GRM8: variants seen among roughly 807,000 people sequenced by gnomAD.
The protein encoded by GRM8 is glutamate metabotropic receptor 8.
Under a neutral mutation model 87.2 loss-of-function variants are expected in GRM8, and 47 were observed. The observed-to-expected ratio is 0.54, with a 90% CI of 0.43 to 0.69. The LOEUF is 0.69. Among genes scored for constraint, GRM8 ranks in the 30% least tolerant of loss-of-function variants. The pLI, the probability that GRM8 is intolerant of heterozygous loss-of-function variation, is 0.00. For missense variants in GRM8, 1,019 were observed against 1,139.2 expected (o/e 0.89, Z 1.52); for synonymous variants, 396 against 404.5 (o/e 0.98, Z 0.25).
intron 7 of GRM8, among the ~76,000 whole-genome samples, chr7:126,733,265 T>G (rs1222991746): frequency 2.0e-5 from 3 of 151,922 alleles, no homozygotes; most frequent in Non-Finnish European, 2.9e-5. Context: ...TCCAACCTAA[T>G]GGAAACTGTA....
chr7:126,536,980 A>G (rs1202093709), intron 8 of GRM8, among the ~76,000 whole-genome samples: 1 of 152,164 alleles, frequency 6.6e-6, no homozygotes, highest in Admixed American at 6.5e-5. Flanking sequence ...ACAACATAAG[A>G]TGTGTTAAAA....
At chr7:126,684,090 A>AGAGAGG (rs753904041) in intron 7 of GRM8, among the ~76,000 whole-genome samples, 1 of 152,224 alleles carries the variant, frequency 6.6e-6, no homozygotes, top group Non-Finnish European at 1.5e-5. Context: ...GGAAAGAAGT[A>AGAGAGG]GAGAGGATGG....
At chr7:126,683,343 T>C (rs1373653299) in intron 7 of GRM8, among the ~76,000 whole-genome samples, 1 of 152,226 alleles carries the variant, frequency 6.6e-6, no homozygotes, top group Non-Finnish European at 1.5e-5. Context: ...CTTCTCTGTT[T>C]GGTGCTATGA....
At chr7:126,481,779 TAAA>T (rs1035740632) in intron 9 of GRM8, among the ~76,000 whole-genome samples, 1 of 152,076 alleles carries the variant, frequency 6.6e-6, no homozygotes, top group Non-Finnish European at 1.5e-5. Context: ...GAAATCTGAA[TAAA>T]GTTGGTAGTT....
At chr7:127,194,581 A>T (rs1217778116) in intron 2 of GRM8, among the ~76,000 whole-genome samples, 1 of 152,192 alleles carries the variant, frequency 6.6e-6, no homozygotes, top group African/African-American at 2.4e-5. Context: ...AATACTTTTT[A>T]AAATTAAGAA....
intron 8 of GRM8, among the ~76,000 whole-genome samples, chr7:126,546,444 A>G (rs1272748277): frequency 1.3e-5 from 2 of 152,144 alleles, no homozygotes; most frequent in South Asian, 2.1e-4. Flanking sequence ...CAGAAAAGGG[A>G]GCAGAGGAGA....
At chr7:127,009,486 C>G (rs1156479910) in intron 3 of GRM8, among the ~76,000 whole-genome samples, 5 of 152,058 alleles carry the variant, frequency 3.3e-5, no homozygotes, top group Non-Finnish European at 7.4e-5. Context: ...AAGTATAAAC[C>G]TGACTCAGTA....
At chr7:126,559,403 C>T (rs765178333) in intron 8 of GRM8, among the ~76,000 whole-genome samples, 2 of 151,966 alleles carry the variant, frequency 1.3e-5, no homozygotes, top group African/African-American at 2.4e-5. Flanking sequence ...AAACTACTGA[C>T]CTCAAGTGAT....
chr7:126,774,140 T>C (rs1819162584), intron 6 of GRM8, among the ~76,000 whole-genome samples: 1 of 152,196 alleles, frequency 6.6e-6, no homozygotes, highest in Non-Finnish European at 1.5e-5. Flanking sequence ...CTGAATACTA[T>C]TACCATTTCT....
intron 9 of GRM8, among the ~76,000 whole-genome samples, chr7:126,525,000 G>C (rs572013011): frequency 6.6e-6 from 1 of 151,746 alleles, no homozygotes; most frequent in Admixed American, 6.6e-5. Flanking sequence ...ATGCTGTTTT[G>C]TTTCTTTTTT....
chr7:126,730,282 A>T (rs1271715607), intron 7 of GRM8, among the ~76,000 whole-genome samples: 1 of 152,188 alleles, frequency 6.6e-6, no homozygotes, highest in African/African-American at 2.4e-5. Flanking sequence ...ATGAAGCTTG[A>T]TCAAAGATTT....
chr7:126,597,752 C>G (rs1797350581), intron 8 of GRM8, among the ~76,000 whole-genome samples: 1 of 151,868 alleles, frequency 6.6e-6, no homozygotes, highest in Admixed American at 6.6e-5. Context: ...TTTGATTTTC[C>G]TTTTCCAATT....
intron 3 of GRM8, among the ~76,000 whole-genome samples, chr7:126,948,090 G>A (rs978135976): frequency 2.0e-5 from 3 of 152,132 alleles, no homozygotes; most frequent in Non-Finnish European, 2.9e-5. Flanking sequence ...AGGCGCTAGG[G>A]ATGCACAGTT....
At chr7:126,499,989 C>CGT (rs1809398296) in intron 9 of GRM8, among the ~76,000 whole-genome samples, 1 of 151,590 alleles carries the variant, frequency 6.6e-6, no homozygotes, top group Admixed American at 6.6e-5. Flanking sequence ...TTGATATGTG[C>CGT]GTATATACAT....
intron 3 of GRM8, among the ~76,000 whole-genome samples, chr7:126,913,061 A>C (rs1311202976): frequency 6.6e-6 from 1 of 152,232 alleles, no homozygotes. Flanking sequence ...CTCATTTATA[A>C]GACAAAAATC....
intron 2 of GRM8, among the ~76,000 whole-genome samples, chr7:127,178,004 C>T (rs1794215272): frequency 6.6e-6 from 1 of 152,096 alleles, no homozygotes; most frequent in African/African-American, 2.4e-5. Context: ...AGAATAAATC[C>T]CTGATTTACC....
intron 3 of GRM8, among the ~76,000 whole-genome samples, chr7:127,083,661 C>A (rs911171125): frequency 9.2e-5 from 14 of 151,886 alleles, no homozygotes; most frequent in African/African-American, 3.4e-4. Flanking sequence ...ACAACAACAA[C>A]AAAATCTGCT....
chr7:126,581,156 G>GA (rs1327180017), intron 8 of GRM8, among the ~76,000 whole-genome samples: 1 of 151,174 alleles, frequency 6.6e-6, no homozygotes, highest in East Asian at 1.9e-4. Context: ...TCAATTTTTA[G>GA]AAAAAAATAA....
chr7:126,945,446 A>G (rs1442472220), intron 3 of GRM8, among the ~76,000 whole-genome samples: 1 of 152,206 alleles, frequency 6.6e-6, no homozygotes, highest in South Asian at 2.1e-4. Flanking sequence ...AAACTTTTTG[A>G]TTGCCATCAT....
Sources: gnomAD v4.1 joint callset for allele counts (sites outside exome capture counted in the v4.1 genomes callset) on GRCh38, gnomAD v4.1.1 for gene constraint, MANE v1.5 for transcripts, NCBI Gene and HGNC (gene_info 2026-07-23, HGNC 2026-07-21) for gene names.